ITSN1: variants seen among roughly 807,000 people sequenced by gnomAD.
ITSN1 encodes intersectin 1, also known as intersectin-1.
Under a neutral mutation model 239.8 loss-of-function variants are expected in ITSN1, and 58 were observed. The ratio of observed to expected loss-of-function variants is 0.24; its 90% CI spans 0.20 to 0.30. ITSN1 has a LOEUF of 0.30. Ranked by LOEUF, ITSN1 falls within the 10% of genes least tolerant of loss-of-function variation. The pLI is 1.00. For synonymous variants in ITSN1, 780 were observed against 770.8 expected, an observed-to-expected ratio of 1.01 and a Z score of -0.20; for missense variants, 1,558 against 2,103.3, an observed-to-expected ratio of 0.74 and a Z score of 5.07.
At chr21:33,826,555 G>T (rs771640214) in intron 25 of ITSN1, among the ~76,000 whole-genome samples, 5 of 152,194 alleles carry the variant, frequency 3.3e-5, no homozygotes, top group Non-Finnish European at 5.9e-5. Flanking sequence ...AAGTGCCTGT[G>T]CTTGGAGCCC....
At chr21:33,661,977 A>T (rs1226904448) in intron 1 of ITSN1, among the ~76,000 whole-genome samples, 5 of 152,050 alleles carry the variant, frequency 3.3e-5, no homozygotes, top group Non-Finnish European at 7.4e-5. Flanking sequence ...CCCCCATGAA[A>T]GGGTCTTAGG....
rs1050441538 is a variant in ITSN1, at chr21:33,894,344, C to T, written c.*6044C>T. On this transcript the variant is annotated 3_prime_UTR_variant, in exon 40 of 40. Coordinates refer to ENST00000381318, the MANE Select transcript of ITSN1 (RefSeq NM_003024.3). ...TACACCCACATCATAATTTTTCTGA[C>T]ACTATGTGTGCTTGTCAAATTTCAG... 4 of 152,174 alleles carry T rather than the reference C, an allele frequency of 2.6e-5. No homozygotes were observed. Among genetic ancestry groups the T allele is most frequent in the Non-Finnish European group, 5.9e-5 (4 of 68,034 alleles). The allele number at this position is 152,174 out of a possible 1,614,324, so 9.4% of individuals were successfully genotyped here.
At chr21:33,887,346 TA>T (rs1048205976) in intron 39 of ITSN1, among the ~76,000 whole-genome samples, 1 of 152,002 alleles carries the variant, frequency 6.6e-6, no homozygotes, top group Non-Finnish European at 1.5e-5. Flanking sequence ...CAGAGTAAGT[TA>T]AAAGATTATG....
In ITSN1 at chr21:33,836,440, G is replaced by C; in HGVS notation, c.3470-1G>C. 1 of 1,601,582 alleles carries C rather than the reference G, an allele frequency of 6.2e-7. No individual in the cohort carries two copies. The highest frequency in any genetic ancestry group is 8.5e-7 in the Non-Finnish European group (1 of 1,171,974). On this transcript the variant is annotated splice_acceptor_variant, in intron 28 of 39. Transcript: ENST00000381318. LOFTEE classifies it high-confidence loss of function. The stretch of plus-strand genomic sequence containing the variant: ...CGCTCACCCAGCCCTGTCTCCTGCA[G>C]TGTGCCAGGTGATTGGGATGTACGA...
At chr21:33,661,817 C>T (rs1300887905) in intron 1 of ITSN1, among the ~76,000 whole-genome samples, 3 of 151,998 alleles carry the variant, frequency 2.0e-5, no homozygotes, top group Non-Finnish European at 2.9e-5. Flanking sequence ...CTTGTGACCG[C>T]CATGTGAGAC....
rs781063682 is a variant in ITSN1, at chr21:33,818,380, CAT to C, written c.2842_2843del (p.Met948ValfsTer41). 5.0e-6 allele frequency: 8 copies of C among 1,614,196 alleles called. No homozygotes were observed. The highest frequency in any genetic ancestry group is 5.9e-6 in the Non-Finnish European group (7 of 1,180,028). ...TCATCACCGTCCTGGAACAGCAAGA[CAT>C]GTGGTGGTTTGGAGAAGTTCAAGGT... is the stretch of plus-strand genomic sequence containing the variant. ...DVITVLEQQD[M>X]WWFGEVQGQK... On this transcript the variant is annotated frameshift_variant, in exon 23 of 40. Coordinates refer to ENST00000381318, the MANE Select transcript of ITSN1 (RefSeq NM_003024.3). LOFTEE classifies it high-confidence loss of function.
intron 1 of ITSN1, among the ~76,000 whole-genome samples, chr21:33,715,966 A>G (rs555258051): frequency 1.3e-5 from 2 of 152,208 alleles, no homozygotes; most frequent in Non-Finnish European, 2.9e-5. Context: ...ATCTTAATTC[A>G]TAAGGAGAAA....
At chr21:33,794,225 G>A (rs2071362707) in intron 16 of ITSN1, 116 bp from the exon 17 acceptor site, 1 of 758,860 alleles carries the variant, frequency 1.3e-6, no homozygotes, top group Non-Finnish European at 2.2e-6. Context: ...TTCCAACTCT[G>A]AAACGTTATC....
At chr21:33,658,068 CAT>C (rs1401525899) in intron 1 of ITSN1, among the ~76,000 whole-genome samples, 1 of 152,164 alleles carries the variant, frequency 6.6e-6, no homozygotes, top group Non-Finnish European at 1.5e-5. Flanking sequence ...TTACTGATAA[CAT>C]AGTCCATGAA....
chr21:33,727,212 C>G (rs919856230), intron 4 of ITSN1, among the ~76,000 whole-genome samples: 1 of 151,990 alleles, frequency 6.6e-6, no homozygotes, highest in African/African-American at 2.4e-5. Flanking sequence ...GGCAGATATC[C>G]TTTTGGCAAT....
At chr21:33,823,379 A>G (rs2073800122) in intron 24 of ITSN1, 108 bp from the exon 25 acceptor site, 8 of 972,868 alleles carry the variant, frequency 8.2e-6, no homozygotes, top group Non-Finnish European at 7.9e-6. Flanking sequence ...TTTCTCTTGA[A>G]TGGATCTTGT....
chr21:33,691,181 C>T (rs962583044), intron 1 of ITSN1, among the ~76,000 whole-genome samples: 1 of 152,042 alleles, frequency 6.6e-6, no homozygotes, highest in African/African-American at 2.4e-5. Context: ...CTCTTTGAGG[C>T]AGGACCTGTG....
intron 16 of ITSN1, among the ~76,000 whole-genome samples, chr21:33,792,510 C>T (rs2071219122): frequency 6.6e-6 from 1 of 152,154 alleles, no homozygotes. Flanking sequence ...AATTTTCATT[C>T]ATATTATTAC....
rs71194863 is a variant in ITSN1, at chr21:33,730,388, CTTTTTTTTTTT to C, written c.186-4638_186-4628del. ...TAACCTGCTATAAATGCTCTCTGTT[CTTTTTTTTTTT>C]TTTTTTTTTTTTTTTTTCTGGAGAC... is the stretch of plus-strand genomic sequence containing the variant. On this transcript the variant is annotated intron_variant, in intron 4 of 39. Coordinates refer to ENST00000381318, the MANE Select transcript of ITSN1 (RefSeq NM_003024.3). Among the ~76,000 whole-genome samples, 444 of 49,360 alleles carry C rather than the reference CTTTTTTTTTTT, an allele frequency of 9.0e-3. 2 individuals are homozygous for C. The highest frequency in any genetic ancestry group is 0.058 in the Middle Eastern group (3 of 52). 32.4% of individuals were successfully genotyped at this position (49,360 alleles called of 152,430 possible). A position where few individuals can be genotyped will look rare whatever the true frequency, so the allele number is the denominator to read the frequency against.
chr21:33,685,654 A>C (rs1036415400), intron 1 of ITSN1, among the ~76,000 whole-genome samples: 1 of 147,826 alleles, frequency 6.8e-6, no homozygotes, highest in Non-Finnish European at 1.5e-5. Flanking sequence ...TTTTTTTAGT[A>C]CTCAAGATCA....
chr21:33,743,294 C>T (rs887651005), intron 5 of ITSN1, among the ~76,000 whole-genome samples: 4 of 152,144 alleles, frequency 2.6e-5, no homozygotes, highest in Non-Finnish European at 5.9e-5. Flanking sequence ...GGCAAAACCC[C>T]GTCTGTACTA....
intron 1 of ITSN1, among the ~76,000 whole-genome samples, chr21:33,718,429 C>T (rs1017597850): frequency 6.6e-6 from 1 of 152,094 alleles, no homozygotes; most frequent in African/African-American, 2.4e-5. Flanking sequence ...TTTAAGCTTA[C>T]AGAATAACAG....
intron 1 of ITSN1, among the ~76,000 whole-genome samples, chr21:33,654,360 A>C (rs1478958249): frequency 1.3e-5 from 2 of 151,278 alleles, no homozygotes; most frequent in Admixed American, 1.3e-4. Context: ...CTGGCCTTTG[A>C]TTTTTTAAAT....
Position 33,774,828 on chromosome 21 carries a change from G to T in ITSN1, c.1405G>T (p.Val469Phe). Reference protein sequence around the residue: ...NQRNKEQEDIVVLKAKKKTLE... With the variant: ...NQRNKEQEDIFVLKAKKKTLE... ...AAGAAACAAAGAACAAGAGGACATA[G>T]TTGTACTGAAAGCAAAGAAAAAGAC... Residue 469 changes from valine (V) to phenylalanine (F), a missense_variant, in exon 13 of 40, where the codon GTT becomes TTT. Physicochemically the swap from Val to Phe is conservative, Grantham distance 50. Around this residue, in one of 2 missense-constraint regions of ITSN1, gnomAD observed 982 missense variants for 1,209.9 expected, o/e 0.81. Coordinates refer to ENST00000381318, the MANE Select transcript of ITSN1 (RefSeq NM_003024.3). The T allele has an allele frequency of 6.2e-7, 1 of 1,613,704 alleles. No individual in the cohort carries two copies. Among genetic ancestry groups the T allele is most frequent in the Admixed American group, 1.7e-5 (1 of 59,954 alleles).
Sources: gnomAD v4.1 joint callset for allele counts (sites outside exome capture counted in the v4.1 genomes callset) on GRCh38, gnomAD v4.1.1 for gene constraint, gnomAD v4.1.1 regional missense constraint, MANE v1.5 for transcripts, NCBI Gene and HGNC (gene_info 2026-07-23, HGNC 2026-07-21) for gene names.